Variants in DLGAP2 observed in about 807,000 individuals in gnomAD.
The protein encoded by DLGAP2 is DLG associated protein 2.
In DLGAP2, 26 loss-of-function variants were observed where a neutral mutation model predicts 100.3. That is an observed-to-expected ratio of 0.26 (90% CI 0.19 to 0.36). The LOEUF (loss-of-function observed/expected upper bound fraction) is 0.36, where lower values mean the gene tolerates loss of function less well. DLGAP2 is among the 10% of genes least tolerant of loss of function. The probability of loss-of-function intolerance (pLI) is 1.00; values close to 1 mark genes in which losing one functional copy is unlikely to be tolerated. For missense variants in DLGAP2, 1,858 were observed against 1,453.2 expected (o/e 1.28, Z -4.53); for synonymous variants, 886 against 630.1 (o/e 1.41, Z -6.08).
chr8:1,211,193 A>C (rs1798096288), intron 2 of DLGAP2, among the ~76,000 whole-genome samples: 1 of 152,218 alleles, frequency 6.6e-6, no homozygotes, highest in East Asian at 1.9e-4. Flanking sequence ...CTCAGGGGCC[A>C]CCGACCTGCG....
At chr8:1,339,856 G>A (rs1447375156) in intron 3 of DLGAP2, among the ~76,000 whole-genome samples, 2 of 152,204 alleles carry the variant, frequency 1.3e-5, no homozygotes, top group Non-Finnish European at 2.9e-5. Flanking sequence ...TAGATAAAAG[G>A]TGGAACTTAT....
intron 2 of DLGAP2, among the ~76,000 whole-genome samples, chr8:916,063 C>T (rs771235188): frequency 8.6e-5 from 13 of 151,878 alleles, no homozygotes; most frequent in African/African-American, 3.1e-4. Flanking sequence ...TCTGTCTGTC[C>T]GTCAGTTCAC....
chr8:1,193,135 G>A (rs922183641), intron 2 of DLGAP2, among the ~76,000 whole-genome samples: 6 of 152,074 alleles, frequency 3.9e-5, no homozygotes, highest in Non-Finnish European at 5.9e-5. Context: ...ATAAACATAC[G>A]TGTGCATGTG....
At chr8:969,441 C>T (rs1345028815) in intron 2 of DLGAP2, among the ~76,000 whole-genome samples, 1 of 151,976 alleles carries the variant, frequency 6.6e-6, no homozygotes, top group Non-Finnish European at 1.5e-5. Flanking sequence ...ATACACAAAC[C>T]AGTGCAGGTT....
intron 3 of DLGAP2, among the ~76,000 whole-genome samples, chr8:1,473,394 C>G (rs897645738): frequency 9.9e-5 from 15 of 152,190 alleles, no homozygotes; most frequent in African/African-American, 3.4e-4. Context: ...GGGAGAATCT[C>G]AGATCCACTG....
intron 2 of DLGAP2, among the ~76,000 whole-genome samples, chr8:945,684 G>A (rs932958721): frequency 6.6e-6 from 1 of 152,152 alleles, no homozygotes; most frequent in African/African-American, 2.4e-5. Flanking sequence ...TGAACATTGA[G>A]TCATTTCTTT....
At position 1,345,178 on chromosome 8, in the gene DLGAP2, A is replaced by C. The variant is rs895669011; in HGVS notation, c.106+86295A>C. 5.9e-5 allele frequency among the ~76,000 whole-genome samples: 9 copies of C among 152,196 alleles called. No individual in the cohort carries two copies. The South Asian group carries it at 6.2e-4, about 10-fold the overall frequency. On this transcript the variant is annotated intron_variant, in intron 3 of 14. Coordinates refer to ENST00000637795, the MANE Select transcript of DLGAP2 (RefSeq NM_001346810.2). Reference sequence around the variant, plus strand: ...AAGGAAATTCATTAGGGCCCAGTACATTTTCTGTGAAGTAGAGTTCTGAGG... The same window carrying C: ...AAGGAAATTCATTAGGGCCCAGTACCTTTTCTGTGAAGTAGAGTTCTGAGG...
At chr8:749,510 C>T (rs1402708815) in intron 1 of DLGAP2, among the ~76,000 whole-genome samples, 27 of 151,954 alleles carry the variant, frequency 1.8e-4, no homozygotes, top group Non-Finnish European at 4.4e-5. Flanking sequence ...ATATTCAAAA[C>T]ATCCTTTTAT....
At chr8:1,326,496 G>C (rs1002092823) in intron 3 of DLGAP2, among the ~76,000 whole-genome samples, 5 of 152,082 alleles carry the variant, frequency 3.3e-5, no homozygotes, top group Non-Finnish European at 7.4e-5. Flanking sequence ...GTCCGGGCCT[G>C]TCACTCAGGA....
intron 2 of DLGAP2, among the ~76,000 whole-genome samples, chr8:933,543 AGGGG>A (rs1198740654): frequency 2.2e-3 from 175 of 79,970 alleles, no homozygotes; most frequent in African/African-American, 8.8e-3. Context: ...CGTGGGCATG[AGGGG>A]AGGGTGAGGG....
intron 3 of DLGAP2, among the ~76,000 whole-genome samples, chr8:1,412,866 A>G (rs1359943414): frequency 7.3e-6 from 1 of 137,536 alleles, no homozygotes; most frequent in African/African-American, 2.9e-5. Flanking sequence ...TCCTGAGATT[A>G]CAGTGCCTCT....
chr8:1,294,106 G>T (rs1313073794), intron 3 of DLGAP2, among the ~76,000 whole-genome samples: 1 of 152,172 alleles, frequency 6.6e-6, no homozygotes, highest in East Asian at 1.9e-4. Flanking sequence ...ATGTGGAGGA[G>T]CAGGTGGTCC....
At chr8:1,454,902 A>C (rs1301465546) in intron 3 of DLGAP2, among the ~76,000 whole-genome samples, 1 of 152,128 alleles carries the variant, frequency 6.6e-6, no homozygotes, top group Non-Finnish European at 1.5e-5. Context: ...AGACAGGATG[A>C]CCTGATGGCC....
intron 3 of DLGAP2, among the ~76,000 whole-genome samples, chr8:1,272,741 A>G (rs912239153): frequency 6.6e-6 from 1 of 151,804 alleles, no homozygotes; most frequent in Non-Finnish European, 1.5e-5. Flanking sequence ...GGTCTGTAGG[A>G]CTCGGACCAC....
At chr8:1,691,423 T>C in intron 12 of DLGAP2, 112 bp from the exon 13 acceptor site, 1 of 866,042 alleles carries the variant, frequency 1.2e-6, no homozygotes, top group East Asian at 2.7e-5. Context: ...GATGAAGTCG[T>C]CAGTTTTCAT....
intron 1 of DLGAP2, among the ~76,000 whole-genome samples, chr8:743,832 T>A (rs1672937507): frequency 6.6e-6 from 1 of 152,254 alleles, no homozygotes; most frequent in Non-Finnish European, 1.5e-5. Flanking sequence ...CCCAAAATGT[T>A]GCGATTGTGG....
intron 4 of DLGAP2, among the ~76,000 whole-genome samples, chr8:1,506,188 C>G (rs193078768): frequency 3.3e-5 from 5 of 152,138 alleles, no homozygotes; most frequent in African/African-American, 9.7e-5. Context: ...TAATACATAT[C>G]TTGTCTCACA....
Position 1,683,271 on chromosome 8 carries a change from G to A in DLGAP2, c.2704+4642G>A, listed in dbSNP as rs571176215. On this transcript the variant is annotated intron_variant, in intron 12 of 14. Coordinates refer to ENST00000637795, the MANE Select transcript of DLGAP2 (RefSeq NM_001346810.2). Reference sequence around the variant, plus strand: ...CTGTGCTGGGCCTTGACACGCGGTTGGATTTGGTCAAGGTGGTGGATGGTG... The same window carrying A: ...CTGTGCTGGGCCTTGACACGCGGTTAGATTTGGTCAAGGTGGTGGATGGTG... Among the ~76,000 whole-genome samples the A allele has an allele frequency of 1.1e-4, 17 of 151,696 alleles. 1 individual carries two copies. Among genetic ancestry groups the A allele is most frequent in the African/African-American group, 3.9e-4 (16 of 41,502 alleles).
At chr8:1,455,612 T>G (rs1365951399) in intron 3 of DLGAP2, among the ~76,000 whole-genome samples, 1 of 152,248 alleles carries the variant, frequency 6.6e-6, no homozygotes, top group Non-Finnish European at 1.5e-5. Flanking sequence ...CACCTCATCT[T>G]TGAGCTTGTC....
Sources: allele counts gnomAD v4.1 joint callset (sites outside exome capture counted in the v4.1 genomes callset), GRCh38; gene constraint gnomAD v4.1.1; transcripts MANE v1.5; gene names NCBI Gene and HGNC (gene_info 2026-07-23, HGNC 2026-07-21).